WWC2: variants seen among roughly 807,000 people sequenced by gnomAD.
The protein encoded by WWC2 is protein WWC2.
WWC2 carries 101 observed loss-of-function variants against 138.5 expected under a neutral mutation model. The ratio of observed to expected loss-of-function variants is 0.73; its 90% CI spans 0.62 to 0.86. The LOEUF (loss-of-function observed/expected upper bound fraction) is 0.86, where lower values mean the gene tolerates loss of function less well. Among genes scored for constraint, WWC2 ranks in the 40% least tolerant of loss-of-function variants. The pLI, the probability that WWC2 is intolerant of heterozygous loss-of-function variation, is 0.00. For synonymous variants in WWC2, 558 were observed against 538.4 expected, an observed-to-expected ratio of 1.04 and a Z score of -0.50; for missense variants, 1,420 against 1,419.4, an observed-to-expected ratio of 1.00 and a Z score of -0.01.
intron 16 of WWC2, among the ~76,000 whole-genome samples, chr4:183,277,752 T>C (rs1320795379): frequency 1.3e-5 from 2 of 148,498 alleles, no homozygotes; most frequent in Non-Finnish European, 1.5e-5. Context: ...CATTTTTTCA[T>C]GTGTTTTTTG....
Position 183,207,998 on chromosome 4 carries a change from A to G in WWC2, c.287A>G (p.Gln96Arg). 3.1e-6 allele frequency: 5 copies of G among 1,613,532 alleles called. No individual in the cohort carries two copies. The highest frequency in any genetic ancestry group is 2.2e-5 in the South Asian group (2 of 90,990). Reference protein sequence around the residue: ...EDPRKQWRGEQEKMLKDYLSV... With the variant: ...EDPRKQWRGEREKMLKDYLSV... ...CCAAGAAAACAATGGAGGGGGGAAC[A>G]GGAGAAGATGCTCAAGGACTACCTC... The change falls in exon 3 of 23, where the codon CAG (glutamine) becomes CGG (arginine). Residue 96 changes from glutamine to arginine, a missense_variant. Transcript: ENST00000403733.
At chr4:183,293,459 A>C (rs1738527849) in intron 21 of WWC2, among the ~76,000 whole-genome samples, 2 of 152,236 alleles carry the variant, frequency 1.3e-5, no homozygotes, top group African/African-American at 2.4e-5. Flanking sequence ...AATCCCAGTA[A>C]GTTAGAGACA....
At chr4:183,143,301 C>G (rs1229323863) in intron 1 of WWC2, among the ~76,000 whole-genome samples, 2 of 152,134 alleles carry the variant, frequency 1.3e-5, no homozygotes, top group African/African-American at 4.8e-5. Flanking sequence ...CCCCTGTACT[C>G]TTGATTTGCA....
chr4:183,289,674 A>G (rs770670254), intron 21 of WWC2, 39 bp downstream of exon 21: 43 of 1,595,148 alleles, frequency 2.7e-5, no homozygotes, highest in Non-Finnish European at 3.7e-5. Context: ...AGGGGCTTAC[A>G]TCTTTTTTTA....
At chr4:183,298,488 G>T (rs1286678318) in intron 21 of WWC2, among the ~76,000 whole-genome samples, 1 of 152,212 alleles carries the variant, frequency 6.6e-6, no homozygotes, top group Non-Finnish European at 1.5e-5. Context: ...ACCCATGAGT[G>T]CTTGTGGTGT....
intron 1 of WWC2, among the ~76,000 whole-genome samples, chr4:183,141,970 AACAG>A (rs1197970784): frequency 3.9e-5 from 6 of 152,362 alleles, no homozygotes; most frequent in Non-Finnish European, 7.3e-5. Flanking sequence ...TTTAGTAAGT[AACAG>A]ACAAAGAAAT....
chr4:183,240,090 GTGTT>G (rs962112966), intron 4 of WWC2, 89 bp from the exon 5 acceptor site: 4 of 851,138 alleles, frequency 4.7e-6, no homozygotes, highest in Non-Finnish European at 5.3e-6. Context: ...CTTTGTTTAT[GTGTT>G]TGTTTACTAA....
Position 183,159,729 on chromosome 4 carries a change from T to TAA in WWC2, c.132-33859_132-33858dup, listed in dbSNP as rs1162694124. Among the ~76,000 whole-genome samples, 592 of 74,428 alleles carry TAA rather than the reference T, an allele frequency of 8.0e-3. 2 individuals carry two copies. The highest frequency in any genetic ancestry group is 0.035 in the East Asian group (85 of 2,414). 48.8% of individuals were successfully genotyped at this position (74,428 alleles called of 152,430 possible). A position where few individuals can be genotyped will look rare whatever the true frequency, so the allele number is the denominator to read the frequency against. ...TGAACTTACCTTTTTTTTTTTTTTT[T>TAA]AAAAAAAAAAAATTGTTTACAATAC... On this transcript the variant is annotated intron_variant, in intron 1 of 22. Coordinates refer to ENST00000403733, the MANE Select transcript of WWC2 (RefSeq NM_024949.6).
At chr4:183,241,623 C>G (rs1049945756) in intron 5 of WWC2, among the ~76,000 whole-genome samples, 1 of 152,102 alleles carries the variant, frequency 6.6e-6, no homozygotes, top group African/African-American at 2.4e-5. Context: ...AGTCTCTATG[C>G]CAGGTATATT....
intron 21 of WWC2, among the ~76,000 whole-genome samples, chr4:183,304,018 G>T (rs1738947398): frequency 6.6e-6 from 1 of 152,074 alleles, no homozygotes; most frequent in Non-Finnish European, 1.5e-5. Context: ...CTACTAAGTA[G>T]AATGTTATGA....
chr4:183,253,802 C>T lies in WWC2; in HGVS notation c.999C>T (p.Ala333=), dbSNP rs769425019. The change falls in exon 9 of 23, where the codon GCC becomes GCT. Residue 333 remains alanine (A), a synonymous_variant. Transcript: ENST00000403733. ...KIELSKLDSE[A]WPGALDIEKE... The stretch of plus-strand genomic sequence containing the variant: ...AACTGTCAAAATTGGACAGTGAGGC[C>T]TGGCCTGGGGCACTGGATATTGAGA... 6.2e-7 allele frequency: 1 copy of T among 1,613,514 alleles called. No individual in the cohort carries two copies. The highest frequency in any genetic ancestry group is 2.2e-5 in the East Asian group (1 of 44,874).
chr4:183,265,799 C>G, intron 13 of WWC2, 31 bp downstream of exon 13: 1 of 1,609,034 alleles, frequency 6.2e-7, no homozygotes, highest in Non-Finnish European at 8.5e-7. Context: ...AGGAGCAGTT[C>G]TGACATCTGT....
chr4:183,190,916 C>T (rs1459414957), intron 1 of WWC2, among the ~76,000 whole-genome samples: 1 of 152,172 alleles, frequency 6.6e-6, no homozygotes, highest in South Asian at 2.1e-4. Flanking sequence ...CGCTTAAGCA[C>T]ATTGAATTGG....
intron 4 of WWC2, among the ~76,000 whole-genome samples, chr4:183,236,893 C>T (rs968955106): frequency 2.0e-5 from 3 of 152,068 alleles, no homozygotes; most frequent in South Asian, 2.1e-4. Flanking sequence ...TGAACATGGT[C>T]TATCTTACCT....
rs1032677740 is a variant in WWC2, at chr4:183,254,579, C to G, written c.1196+580C>G. Among the ~76,000 whole-genome samples the G allele has an allele frequency of 1.2e-3, 178 of 152,298 alleles. 1 individual carries two copies. The highest frequency in any genetic ancestry group is 7.9e-4 in the Non-Finnish European group (54 of 68,012). ...AGTTGATTATTCCATCTAAAAAAAT[C>G]CAGTTCTGCAAAACAGATCAGCTGG... is the stretch of plus-strand genomic sequence containing the variant. On this transcript the variant is annotated intron_variant, in intron 9 of 22. Transcript: ENST00000403733.
chr4:183,264,320 C>G (rs1317937304), intron 11 of WWC2, among the ~76,000 whole-genome samples: 2 of 152,170 alleles, frequency 1.3e-5, no homozygotes, highest in Non-Finnish European at 2.9e-5. Context: ...CAGCTCATTA[C>G]AGTACAGAGC....
intron 2 of WWC2, among the ~76,000 whole-genome samples, chr4:183,198,566 T>G (rs1003600827): frequency 2.6e-5 from 4 of 151,978 alleles, no homozygotes; most frequent in African/African-American, 9.7e-5. Flanking sequence ...ATTTAATGTA[T>G]AATTTTCACC....
At chr4:183,310,924 A>G (rs560707825) in intron 21 of WWC2, among the ~76,000 whole-genome samples, 38 of 151,946 alleles carry the variant, frequency 2.5e-4, no homozygotes, top group African/African-American at 9.2e-4. Context: ...TACTTTACAT[A>G]TATATGTACT....
intron 20 of WWC2, among the ~76,000 whole-genome samples, chr4:183,288,036 C>T (rs1227612145): frequency 3.3e-5 from 5 of 152,150 alleles, no homozygotes; most frequent in Non-Finnish European, 2.9e-5. Context: ...GGAAAGATTT[C>T]TGATTCCAAA....
Sources: gnomAD v4.1 joint callset for allele counts (sites outside exome capture counted in the v4.1 genomes callset) on GRCh38, gnomAD v4.1.1 for gene constraint, MANE v1.5 for transcripts, NCBI Gene and HGNC (gene_info 2026-07-23, HGNC 2026-07-21) for gene names.